The following IGSF11 variants were observed in gnomAD, a reference collection of about 807,000 sequenced individuals.
IGSF11 encodes CXADR like 1.
In IGSF11, 22 loss-of-function variants were observed where a neutral mutation model predicts 41.0. The ratio of observed to expected loss-of-function variants is 0.54; its 90% CI spans 0.38 to 0.77. The LOEUF is 0.77. Ranked by LOEUF, IGSF11 falls within the 30% of genes least tolerant of loss-of-function variation. The pLI is 0.00. For synonymous variants in IGSF11, 219 were observed against 201.3 expected, an observed-to-expected ratio of 1.09 and a Z score of -0.74; for missense variants, 444 against 530.8, an observed-to-expected ratio of 0.84 and a Z score of 1.61.
At chr3:119,053,410 C>T (rs1941704159) in intron 1 of IGSF11, among the ~76,000 whole-genome samples, 1 of 152,096 alleles carries the variant, frequency 6.6e-6, no homozygotes, top group Non-Finnish European at 1.5e-5. Flanking sequence ...ACCCCTTTTA[C>T]AACAGCTGCA....
intron 1 of IGSF11, among the ~76,000 whole-genome samples, chr3:119,110,734 G>T (rs1043955007): frequency 6.6e-6 from 1 of 152,068 alleles, no homozygotes. Flanking sequence ...GGTACCAGTT[G>T]TTCCTTTCCA....
chr3:118,905,850 T>C (rs1939529827), intron 4 of IGSF11, 132 bp from the exon 5 acceptor site: 5 of 939,462 alleles, frequency 5.3e-6, no homozygotes, highest in Admixed American at 2.7e-5. Context: ...GGGGGTAGGG[T>C]GAGAAATTAT....
intron 1 of IGSF11, among the ~76,000 whole-genome samples, chr3:119,051,862 C>T (rs1358606519): frequency 6.6e-6 from 1 of 152,116 alleles, no homozygotes; most frequent in Non-Finnish European, 1.5e-5. Context: ...AATTAAATAA[C>T]TTGGTTCCAA....
At chr3:118,912,009 G>T (rs929388966) in intron 4 of IGSF11, among the ~76,000 whole-genome samples, 2 of 152,046 alleles carry the variant, frequency 1.3e-5, no homozygotes, top group Non-Finnish European at 2.9e-5. Context: ...GAAAACAGAG[G>T]ATTTCTTACA....
At chr3:118,970,048 C>T (rs1933205201) in intron 1 of IGSF11, among the ~76,000 whole-genome samples, 1 of 152,180 alleles carries the variant, frequency 6.6e-6, no homozygotes, top group South Asian at 2.1e-4. Flanking sequence ...TGCCACAGGT[C>T]CCTCTAACTA....
At chr3:118,982,624 C>A (rs1934847563) in intron 1 of IGSF11, among the ~76,000 whole-genome samples, 1 of 151,916 alleles carries the variant, frequency 6.6e-6, no homozygotes, top group African/African-American at 2.4e-5. Context: ...ATTAATGTTC[C>A]TTTTTTAACC....
chr3:119,097,499 T>C (rs751994127), intron 1 of IGSF11, among the ~76,000 whole-genome samples: 4 of 151,850 alleles, frequency 2.6e-5, no homozygotes, highest in Non-Finnish European at 4.4e-5. Context: ...CAAGCACAGG[T>C]TGGGGGTGAG....
intron 1 of IGSF11, among the ~76,000 whole-genome samples, chr3:119,068,692 C>T (rs1217608454): frequency 6.6e-6 from 1 of 152,092 alleles, no homozygotes; most frequent in East Asian, 1.9e-4. Context: ...AATTTATTTA[C>T]TGATCTCTGC....
At chr3:119,023,588 T>C (rs1480504019) in intron 1 of IGSF11, among the ~76,000 whole-genome samples, 1 of 152,110 alleles carries the variant, frequency 6.6e-6, no homozygotes, top group East Asian at 1.9e-4. Flanking sequence ...CATATAAAAT[T>C]AGATACATCT....
intron 1 of IGSF11, among the ~76,000 whole-genome samples, chr3:118,961,851 C>T (rs1392021078): frequency 6.6e-6 from 1 of 152,106 alleles, no homozygotes; most frequent in Non-Finnish European, 1.5e-5. Context: ...TCTATGTGCC[C>T]AATAATTGCC....
At chr3:119,095,030 T>G (rs1360703799) in intron 1 of IGSF11, among the ~76,000 whole-genome samples, 1 of 151,956 alleles carries the variant, frequency 6.6e-6, no homozygotes, top group Non-Finnish European at 1.5e-5. Flanking sequence ...TATGAAAAAC[T>G]TTCCTGAAAC....
intron 1 of IGSF11, among the ~76,000 whole-genome samples, chr3:119,042,905 T>C (rs1181436520): frequency 2.0e-5 from 3 of 151,922 alleles, no homozygotes; most frequent in Non-Finnish European, 4.4e-5. Flanking sequence ...TACCAGGGGG[T>C]CCTTGTTCTT....
intron 1 of IGSF11, among the ~76,000 whole-genome samples, chr3:118,952,336 A>T (rs116622690): frequency 0.012 from 1,799 of 152,188 alleles, 40 homozygotes; most frequent in African/African-American, 0.041. Flanking sequence ...TTCATGAAAG[A>T]TTTCTCTGTA....
chr3:119,095,393 A>G (rs948517928), intron 1 of IGSF11, among the ~76,000 whole-genome samples: 4 of 152,200 alleles, frequency 2.6e-5, no homozygotes, highest in Non-Finnish European at 5.9e-5. Context: ...CTGTTACTTG[A>G]CATGGTACAG....
At chr3:119,083,350 G>A (rs1347450) in intron 1 of IGSF11, among the ~76,000 whole-genome samples, 68,938 of 151,662 alleles carry the variant, frequency 0.45, 15,808 homozygotes, top group Admixed American at 0.54. Context: ...TAATCCTCCC[G>A]CCTCGGCCTC....
At chr3:118,933,719 A>G (rs1481746074) in intron 1 of IGSF11, among the ~76,000 whole-genome samples, 4 of 152,164 alleles carry the variant, frequency 2.6e-5, no homozygotes, top group Non-Finnish European at 5.9e-5. Flanking sequence ...AAATCATTCC[A>G]TATGTGTTTG....
chr3:119,030,985 G>A (rs372914314), intron 1 of IGSF11, among the ~76,000 whole-genome samples: 11 of 152,264 alleles, frequency 7.2e-5, no homozygotes, highest in East Asian at 5.8e-4. Context: ...GGCCAGGCAC[G>A]GTGGCTCAGG....
At chr3:119,104,828 A>G (rs2076995220) in intron 1 of IGSF11, among the ~76,000 whole-genome samples, 1 of 152,100 alleles carries the variant, frequency 6.6e-6, no homozygotes, top group Non-Finnish European at 1.5e-5. Context: ...CTCCCATCAT[A>G]GCTCTTAACA....
chr3:119,075,370 T>G (rs1252820770), intron 1 of IGSF11, among the ~76,000 whole-genome samples: 1 of 152,108 alleles, frequency 6.6e-6, no homozygotes, highest in Non-Finnish European at 1.5e-5. Flanking sequence ...CTGGACCAGA[T>G]ATAATCACCG....
Sources: gnomAD v4.1 joint callset for allele counts (sites outside exome capture counted in the v4.1 genomes callset) on GRCh38, gnomAD v4.1.1 for gene constraint, MANE v1.5 for transcripts, NCBI Gene and HGNC (gene_info 2026-07-23, HGNC 2026-07-21) for gene names.